ARID1B: variants seen among roughly 807,000 people sequenced by gnomAD.
ARID1B encodes the protein AT-rich interactive domain-containing protein 1B.
ARID1B carries 30 observed loss-of-function variants against 212.3 expected under a neutral mutation model. The ratio of observed to expected loss-of-function variants is 0.14; its 90% CI spans 0.11 to 0.19. ARID1B has a LOEUF of 0.19. ARID1B is among the 10% of genes least tolerant of loss of function. The probability of loss-of-function intolerance (pLI) is 1.00; values close to 1 mark genes in which losing one functional copy is unlikely to be tolerated. For missense variants in ARID1B, 2,891 were observed against 3,204.0 expected (o/e 0.90, Z 2.36); for synonymous variants, 1,402 against 1,301.7 (o/e 1.08, Z -1.66).
chr6:157,091,844 T>TA (rs1785302231), intron 5 of ARID1B, among the ~76,000 whole-genome samples: 1 of 152,242 alleles, frequency 6.6e-6, no homozygotes, highest in East Asian at 1.9e-4. Flanking sequence ...GTGATGACAT[T>TA]AGCAGTAGAC....
chr6:157,004,591 A>C (rs1180407640), intron 4 of ARID1B, among the ~76,000 whole-genome samples: 2 of 152,192 alleles, frequency 1.3e-5, no homozygotes, highest in Non-Finnish European at 2.9e-5. Context: ...CAGAAGGTAA[A>C]GTTGGTCTCT....
chr6:157,196,542 G>A (rs1355029550), intron 16 of ARID1B, among the ~76,000 whole-genome samples: 2 of 152,194 alleles, frequency 1.3e-5, no homozygotes, highest in African/African-American at 4.8e-5. Context: ...CTTGGTAGGA[G>A]TCTTCTTCCC....
rs115451753 is a variant in ARID1B, at chr6:156,804,650, C to T, written c.1792-24577C>T. Among the ~76,000 whole-genome samples the T allele has an allele frequency of 4.4e-3, 667 of 152,038 alleles. 5 individuals are homozygous for T. The highest frequency in any genetic ancestry group is 0.015 in the African/African-American group (638 of 41,454). ...GATTTCGTGAGAACTAACACAATCACGAGAACAGCCTGGAGGAAGCCATCC... is the reference window on the plus strand; with the variant it reads ...GATTTCGTGAGAACTAACACAATCATGAGAACAGCCTGGAGGAAGCCATCC... On this transcript the variant is annotated intron_variant, in intron 1 of 19. Coordinates refer to ENST00000636930, the MANE Select transcript of ARID1B (RefSeq NM_001374828.1).
At chr6:157,089,015 C>T (rs1024771287) in intron 5 of ARID1B, among the ~76,000 whole-genome samples, 8 of 152,164 alleles carry the variant, frequency 5.3e-5, no homozygotes, top group Non-Finnish European at 8.8e-5. Context: ...CTCTTCTCTC[C>T]TGTTGCTTCC....
At position 157,139,086 on chromosome 6, in the gene ARID1B, A is replaced by C. The variant is rs148171353; in HGVS notation, c.2761+5879A>C. On this transcript the variant is annotated intron_variant, in intron 7 of 19. Coordinates refer to ENST00000636930, the MANE Select transcript of ARID1B (RefSeq NM_001374828.1). ...CCTGGGAATTAGGGAGAAAAAGGAA[A>C]ATATACAGTACAAATCAACTTAAAA... Among the ~76,000 whole-genome samples the C allele has an allele frequency of 5.8e-4, 88 of 152,330 alleles. No individual in the cohort carries two copies. The East Asian group carries it at 0.014, about 25-fold the overall frequency.
At chr6:156,777,041 C>T (rs973430786), upstream of ARID1B, 1 of 152,272 alleles carries the variant, frequency 6.6e-6, no homozygotes, top group Non-Finnish European at 1.5e-5. Context: ...CAGCCCTTCT[C>T]CCTCTTTTGT....
rs73578055 is a variant in ARID1B, at chr6:156,993,629, C to G, written c.2247+58053C>G. On this transcript the variant is annotated intron_variant, in intron 4 of 19. Coordinates refer to ENST00000636930, the MANE Select transcript of ARID1B (RefSeq NM_001374828.1). ...CAGACTGGCCATTGAAGTTATATAC[C>G]TAAGGATAGTGCCAAACAACAATCC... Among the ~76,000 whole-genome samples, 1,487 of 152,198 alleles carry G rather than the reference C, an allele frequency of 9.8e-3. 34 individuals carry two copies. The highest frequency in any genetic ancestry group is 0.033 in the African/African-American group (1,381 of 41,514).
chr6:156,781,186 A>G (rs1209729060), intron 1 of ARID1B, among the ~76,000 whole-genome samples: 3 of 152,314 alleles, frequency 2.0e-5, no homozygotes, highest in East Asian at 1.9e-4. Context: ...GCAGATAACA[A>G]TAATTAAAAG....
Position 156,778,954 on chromosome 6 carries a change from C to T in ARID1B, c.1274C>T (p.Ala425Val), listed in dbSNP as rs768271181. The change falls in exon 1 of 20, where the codon GCG becomes GTG. Residue 425 changes from alanine to valine, a missense_variant. This residue lies in a region of ARID1B where 1,643 missense variants were observed against 1,544.0 expected (regional missense o/e 1.06). Transcript: ENST00000636930. ...GCAGGAGCGGGAGCTGTGGCGGCGG[C>T]GGCCGCGGCGGCGGCGGCAGCAGCA... ...GGAGAGAVAAAAAAAAAAAGG... is the reference protein window; with the variant it reads ...GGAGAGAVAAVAAAAAAAAGG... 29 of 1,284,970 alleles carry T rather than the reference C, an allele frequency of 2.3e-5. No homozygotes were observed. Among genetic ancestry groups the T allele is most frequent in the East Asian group, 1.9e-4 (6 of 31,754 alleles). 79.6% of individuals were successfully genotyped at this position (1,284,970 alleles called of 1,614,324 possible).
chr6:157,162,897 A>T (rs1791037590), intron 8 of ARID1B, among the ~76,000 whole-genome samples: 1 of 152,112 alleles, frequency 6.6e-6, no homozygotes, highest in Admixed American at 6.5e-5. Flanking sequence ...TTCTACAGCC[A>T]TGGACTCGGC....
rs1268821728 is a variant in ARID1B at position 156,893,060 on chromosome 6, T to TTTTTTTTTTTTTTTTTG, written c.1987-8316_1987-8315insTTTTTTTTTTTTTTTTG. On this transcript the variant is annotated intron_variant, in intron 2 of 19. Transcript: ENST00000636930. ...TTTTTTCTTCCTTTTTTTTTTTTTTTGAGATGGAGTCTTGCCCTGTCACCC... is the reference window on the plus strand; with the variant it reads ...TTTTTTCTTCCTTTTTTTTTTTTTTTTTTTTTTTTTTTTTTTGGAGATGGAGTCTTGCCCTGTCACCC... Among the ~76,000 whole-genome samples the TTTTTTTTTTTTTTTTTG allele has an allele frequency of 2.0e-4, 27 of 137,756 alleles. 1 individual carries two copies. The highest frequency in any genetic ancestry group is 3.0e-4 in the African/African-American group (11 of 36,166). 90.4% of individuals were successfully genotyped at this position (137,756 alleles called of 152,430 possible).
chr6:156,958,017 A>G (rs1794093825), intron 4 of ARID1B, among the ~76,000 whole-genome samples: 1 of 152,238 alleles, frequency 6.6e-6, no homozygotes, highest in Admixed American at 6.5e-5. Context: ...TGCATTTTAC[A>G]TTCAGTATAA....
intron 4 of ARID1B, among the ~76,000 whole-genome samples, chr6:156,963,979 T>G (rs1049389834): frequency 6.6e-6 from 1 of 152,244 alleles, no homozygotes; most frequent in Non-Finnish European, 1.5e-5. Flanking sequence ...AGGAGCTGAT[T>G]AATCGCACTT....
chr6:157,084,143 C>CAA (rs1475833808), intron 4 of ARID1B, among the ~76,000 whole-genome samples: 14 of 134,250 alleles, frequency 1.0e-4, no homozygotes, highest in Admixed American at 2.2e-4. Flanking sequence ...ACCTCCCCCC[C>CAA]AAAAAAAAAA....
chr6:156,940,248 G>A lies in ARID1B; in HGVS notation c.2247+4672G>A, dbSNP rs1439733294. On this transcript the variant is annotated intron_variant, in intron 4 of 19. Coordinates refer to ENST00000636930, the MANE Select transcript of ARID1B (RefSeq NM_001374828.1). ...TTGTGAAATATTTCTATAAATATTG[G>A]CTGTTCTAGAAGGCTCATCAGGTCA... 3 of 152,256 alleles carry A rather than the reference G, an allele frequency of 2.0e-5. No individual in the cohort carries two copies. The East Asian group carries it at 5.8e-4, about 29-fold the overall frequency. The allele number at this position is 152,256 out of a possible 1,614,324, so 9.4% of individuals were successfully genotyped here. A position where few individuals can be genotyped will look rare whatever the true frequency, so the allele number is the denominator to read the frequency against.
chr6:157,033,556 G>A lies in ARID1B; in HGVS notation c.2248-51106G>A, dbSNP rs979871408. On this transcript the variant is annotated intron_variant, in intron 4 of 19. Coordinates refer to ENST00000636930, the MANE Select transcript of ARID1B (RefSeq NM_001374828.1). ...ACGGCCAGTTTTACTTCCAAATTCA[G>A]GAATTCTTGTTTTCCCAATTTTCTT... is the stretch of plus-strand genomic sequence containing the variant. Among the ~76,000 whole-genome samples, 3 of 152,266 alleles carry A rather than the reference G, an allele frequency of 2.0e-5. No homozygotes were observed. In the South Asian group the frequency reaches 6.2e-4, roughly 32 times the overall value.
chr6:157,202,085 G>T (rs1794152263), intron 18 of ARID1B, among the ~76,000 whole-genome samples: 1 of 152,164 alleles, frequency 6.6e-6, no homozygotes. Context: ...TTGATAGATG[G>T]TATGACATAA....
chr6:156,847,111 ATCTG>A (rs1469159051), intron 2 of ARID1B, among the ~76,000 whole-genome samples: 4 of 150,730 alleles, frequency 2.7e-5, no homozygotes, highest in Admixed American at 1.3e-4. Context: ...TGAGCATTTA[ATCTG>A]TCTGTTTACC....
rs1433604149 is a variant in ARID1B at position 157,190,958 on chromosome 6, A to C, written c.4231+748A>C. On this transcript the variant is annotated intron_variant, in intron 15 of 19. Coordinates refer to ENST00000636930, the MANE Select transcript of ARID1B (RefSeq NM_001374828.1). This position sits in a 1 kb window ranked among gnomAD's most constrained non-coding sequence, Gnocchi z 4.6. ...GTGTATGAGGAGGTGGTGGGTGTCCAGAGCACAGTGAGCATGGGCCCGGGG... is the reference window on the plus strand; with the variant it reads ...GTGTATGAGGAGGTGGTGGGTGTCCCGAGCACAGTGAGCATGGGCCCGGGG... Among the ~76,000 whole-genome samples, 2 of 152,092 alleles carry C rather than the reference A, an allele frequency of 1.3e-5. No individual in the cohort carries two copies. The highest frequency in any genetic ancestry group is 4.8e-5 in the African/African-American group (2 of 41,412).
Sources: gnomAD v4.1 joint callset for allele counts (sites outside exome capture counted in the v4.1 genomes callset) on GRCh38, gnomAD v4.1.1 for gene constraint, gnomAD v4.1.1 regional missense constraint, Gnocchi (gnomAD v3.1) non-coding constraint, MANE v1.5 for transcripts, NCBI Gene and HGNC (gene_info 2026-07-23, HGNC 2026-07-21) for gene names.